SCUBE2: variants seen among roughly 807,000 people sequenced by gnomAD.
SCUBE2 encodes the protein signal peptide, CUB and EGF-like domain-containing protein 2.
Under a neutral mutation model 125.9 loss-of-function variants are expected in SCUBE2, and 114 were observed. That is an observed-to-expected ratio of 0.91 (90% CI 0.78 to 1.06). The LOEUF (loss-of-function observed/expected upper bound fraction) is 1.06. Among genes scored for constraint, SCUBE2 ranks in the 50% least tolerant of loss-of-function variants. The pLI is 0.00. For synonymous variants in SCUBE2, 459 were observed against 492.9 expected (o/e 0.93, Z 0.91); for missense variants, 1,255 against 1,301.8 (o/e 0.96, Z 0.55).
rs190195770 is a variant in SCUBE2, at chr11:9,020,046, G to A, written c.*999C>T. ...TCAAGGGGCTGCTCATGTCCACGGA[G>A]CAGAGTCCGTCTCTCACATTTGAGA... On this transcript the variant is annotated 3_prime_UTR_variant, in exon 23 of 23. Coordinates refer to ENST00000649792, the MANE Select transcript of SCUBE2 (RefSeq NM_001367977.2). Among the ~76,000 whole-genome samples, 39 of 152,330 alleles carry A rather than the reference G, an allele frequency of 2.6e-4. No individual in the cohort carries two copies. The highest frequency in any genetic ancestry group is 6.5e-4 in the Admixed American group (10 of 15,310).
intron 6 of SCUBE2, among the ~76,000 whole-genome samples, chr11:9,066,347 A>G (rs898405606): frequency 3.7e-4 from 56 of 152,196 alleles, no homozygotes; most frequent in Admixed American, 3.7e-3. Context: ...CCCGCCAGAA[A>G]TATACGGCCC....
chr11:9,074,395 C>A, intron 4 of SCUBE2, 86 bp downstream of exon 4: 1 of 1,509,472 alleles, frequency 6.6e-7, no homozygotes, highest in South Asian at 1.3e-5. Flanking sequence ...CCTGTGCTTC[C>A]CCTCTAGAGT....
chr11:9,091,263 G>T lies in SCUBE2; in HGVS notation c.133+133C>A. On this transcript the variant is annotated intron_variant, in intron 1 of 22. Transcript: ENST00000649792. The surrounding 1 kb of genome is among the most constrained non-coding windows in gnomAD (Gnocchi z 8.5). ...GCCGGCGGGTGAGGTCCCGGGGGGA[G>T]CAGAGGCCCCCGCGGAGCTGCAGCC... 1 of 572,816 alleles carries T rather than the reference G, an allele frequency of 1.7e-6. No homozygotes were observed. Among genetic ancestry groups the T allele is most frequent in the Non-Finnish European group, 2.5e-6 (1 of 400,716 alleles). The allele number at this position is 572,816 out of a possible 1,614,324, so 35.5% of individuals were successfully genotyped here.
At chr11:9,053,004 G>C in intron 12 of SCUBE2, 95 bp downstream of exon 12, 1 of 1,167,144 alleles carries the variant, frequency 8.6e-7, no homozygotes, top group Non-Finnish European at 1.3e-6. Flanking sequence ...ATCTGGCGGA[G>C]GACCTGGAAG....
At chr11:9,079,347 G>A (rs778920706) in intron 3 of SCUBE2, 37 bp downstream of exon 3, 3 of 1,612,676 alleles carry the variant, frequency 1.9e-6, no homozygotes, top group African/African-American at 2.7e-5. Flanking sequence ...GGGTGGGAGA[G>A]TGAAGGAGAA....
At chr11:9,030,702 A>C in intron 18 of SCUBE2, 56 bp downstream of exon 18, 1 of 1,553,132 alleles carries the variant, frequency 6.4e-7, no homozygotes, top group South Asian at 1.2e-5. Flanking sequence ...CGAGACTCCC[A>C]TGATACTTAG....
chr11:9,047,811 C>T (rs368820089), intron 15 of SCUBE2, 132 bp downstream of exon 15: 65 of 1,154,404 alleles, frequency 5.6e-5, no homozygotes, highest in African/African-American at 5.4e-4. Context: ...AGTTTAGTTT[C>T]GGGGTGAAAA....
rs371633487 is a variant in SCUBE2 at position 9,053,734 on chromosome 11, G to A, written c.1233C>T (p.Asn411=). ...CGDTNECSIN[N]GGCQQVCVNT... Reference sequence around the variant, plus strand: ...TCACACAGACCTGCTGACAGCCTCCGTTGTTGATGCTGCACTCATTGGTGT... The same window carrying A: ...TCACACAGACCTGCTGACAGCCTCCATTGTTGATGCTGCACTCATTGGTGT... Residue 411 remains asparagine, a synonymous_variant, in exon 11 of 23, where the codon AAC becomes AAT. Transcript: ENST00000649792. 10 of 1,614,028 alleles carry A rather than the reference G, an allele frequency of 6.2e-6. No individual in the cohort carries two copies. In the Middle Eastern group the frequency reaches 4.9e-4, roughly 80 times the overall value.
chr11:9,036,865 C>T (rs571212727), intron 16 of SCUBE2, among the ~76,000 whole-genome samples: 6 of 152,192 alleles, frequency 3.9e-5, no homozygotes, highest in East Asian at 1.9e-4. Flanking sequence ...CTTAACTGCT[C>T]GAAGTGCCAA....
intron 16 of SCUBE2, among the ~76,000 whole-genome samples, chr11:9,037,830 C>T (rs1856863351): frequency 6.6e-6 from 1 of 152,206 alleles, no homozygotes; most frequent in African/African-American, 2.4e-5. Flanking sequence ...GAGAAATGAG[C>T]CCAGCTTGAT....
At chr11:9,066,317 G>A (rs757480072) in intron 6 of SCUBE2, among the ~76,000 whole-genome samples, 5 of 152,200 alleles carry the variant, frequency 3.3e-5, no homozygotes, top group African/African-American at 4.8e-5. Flanking sequence ...AGGACACACC[G>A]TGAAGGGCAA....
chr11:9,056,092 T>A (rs1442528348), intron 9 of SCUBE2, among the ~76,000 whole-genome samples, 183 bp from the exon 10 acceptor site: 1 of 152,208 alleles, frequency 6.6e-6, no homozygotes, highest in East Asian at 1.9e-4. Flanking sequence ...CCACAAGAAG[T>A]ATACTGACTG....
intron 21 of SCUBE2, chr11:9,022,159 T>G: frequency 1.9e-6 from 1 of 526,388 alleles, no homozygotes; most frequent in Non-Finnish European, 3.5e-6. Flanking sequence ...TGCACCCATC[T>G]TCCCCGTCCC....
intron 3 of SCUBE2, among the ~76,000 whole-genome samples, chr11:9,077,202 C>T (rs1265800048): frequency 6.6e-6 from 1 of 152,144 alleles, no homozygotes; most frequent in Non-Finnish European, 1.5e-5. Flanking sequence ...GTGTCAGAAC[C>T]CTGAGGCCTG....
intron 10 of SCUBE2, among the ~76,000 whole-genome samples, chr11:9,054,559 C>T (rs1178753501): frequency 4.0e-5 from 6 of 151,574 alleles, no homozygotes; most frequent in Non-Finnish European, 2.9e-5. Flanking sequence ...GGTAGCTCCA[C>T]CTAAACCCAG....
At chr11:9,048,704 A>G (rs991531553) in intron 14 of SCUBE2, among the ~76,000 whole-genome samples, 11 of 152,250 alleles carry the variant, frequency 7.2e-5, no homozygotes, top group African/African-American at 2.7e-4. Flanking sequence ...GTGTTGCATG[A>G]CAGGGCTTTG....
chr11:9,030,140 T>G (rs536056688), intron 18 of SCUBE2, 95 bp from the exon 19 acceptor site: 1 of 1,409,366 alleles, frequency 7.1e-7, no homozygotes, highest in Admixed American at 2.2e-5. Flanking sequence ...AAAGAAATGT[T>G]TATGTGCAAA....
intron 16 of SCUBE2, among the ~76,000 whole-genome samples, chr11:9,046,465 T>C (rs1033880228): frequency 1.3e-5 from 2 of 152,160 alleles, no homozygotes; most frequent in African/African-American, 2.4e-5. Flanking sequence ...TTAGGTTTTC[T>C]TGACTTTTTA....
intron 1 of SCUBE2, chr11:9,090,489 A>ATTTTTTTTTTTTTTTTTTTTTTTT (rs138136231): frequency 7.0e-6 from 1 of 141,898 alleles, no homozygotes; most frequent in African/African-American, 2.6e-5. Context: ...TTATTTATTT[A>ATTTTTTTTTTTTTTTTTTTTTTTT]TTTTTTTTTT....
Sources: allele counts gnomAD v4.1 joint callset (sites outside exome capture counted in the v4.1 genomes callset), GRCh38; gene constraint gnomAD v4.1.1; non-coding constraint Gnocchi (gnomAD v3.1); transcripts MANE v1.5; gene names NCBI Gene and HGNC (gene_info 2026-07-23, HGNC 2026-07-21).